The following TPMT variants were observed in gnomAD, a reference collection of about 807,000 sequenced individuals.
The protein encoded by TPMT is S-adenosyl-L-methionine:thiopurine S-methyltransferase.
Under a neutral mutation model 34.2 loss-of-function variants are expected in TPMT, and 18 were observed. The observed-to-expected ratio is 0.53, with a 90% CI of 0.36 to 0.78. The LOEUF is 0.78. TPMT is among the 30% of genes least tolerant of loss of function. TPMT has a pLI of 0.00. For synonymous variants in TPMT, 69 were observed against 92.4 expected, an observed-to-expected ratio of 0.75 and a Z score of 1.45; for missense variants, 265 against 288.1, an observed-to-expected ratio of 0.92 and a Z score of 0.58.
Position 18,145,518 on chromosome 6 carries a change from A to G in TPMT, c.234-1790T>C, listed in dbSNP as rs371947159. Among the ~76,000 whole-genome samples, 13 of 152,312 alleles carry G rather than the reference A, an allele frequency of 8.5e-5. No homozygotes were observed. In the East Asian group the frequency reaches 2.3e-3, roughly 27 times the overall value. The stretch of plus-strand genomic sequence containing the variant: ...GCTCAAATTTTTCCCTAATATATCA[A>G]TTGAGTTAGAATTCAGTTTTGAAAC... On this transcript the variant is annotated intron_variant, in intron 3 of 8. Coordinates refer to ENST00000309983, the MANE Select transcript of TPMT (RefSeq NM_000367.5). The surrounding 1 kb of genome is among the most constrained non-coding windows in gnomAD (Gnocchi z 5.6).
At position 18,138,075 on chromosome 6, in the gene TPMT, C is replaced by T. The variant is rs9477635; in HGVS notation, c.494+888G>A. 0.12 allele frequency among the ~76,000 whole-genome samples: 17,912 copies of T among 152,128 alleles called. 2,839 individuals carry two copies. The highest frequency in any genetic ancestry group is 0.36 in the African/African-American group (15,081 of 41,448). On this transcript the variant is annotated intron_variant, in intron 6 of 8. Coordinates refer to ENST00000309983, the MANE Select transcript of TPMT (RefSeq NM_000367.5). This position sits in a 1 kb window ranked among gnomAD's most constrained non-coding sequence, Gnocchi z 4.1. ...GATTACAGGCGTGAGCCACCACACC[C>T]GGCCACAAGTATGGACTTCAAAGCC...
chr6:18,137,595 T>C (rs1784065776), intron 6 of TPMT, among the ~76,000 whole-genome samples: 1 of 152,238 alleles, frequency 6.6e-6, no homozygotes, highest in Non-Finnish European at 1.5e-5. Flanking sequence ...ATTTTAATTT[T>C]ATTTTCTAAC....
Position 18,146,728 on chromosome 6 carries a change from T to C in TPMT, c.233+1095A>G, listed in dbSNP as rs532292081. 1.3e-5 allele frequency among the ~76,000 whole-genome samples: 2 copies of C among 152,278 alleles called. No homozygotes were observed. The highest frequency in any genetic ancestry group is 3.9e-4 in the East Asian group (2 of 5,182). ...GAATTGGTTAAAATATATGTCATAA[T>C]ATAGTTTAAATATTCTCAATTTCAT... is the stretch of plus-strand genomic sequence containing the variant. On this transcript the variant is annotated intron_variant, in intron 3 of 8. Coordinates refer to ENST00000309983, the MANE Select transcript of TPMT (RefSeq NM_000367.5). This position sits in a 1 kb window ranked among gnomAD's most constrained non-coding sequence, Gnocchi z 6.2.
chr6:18,144,104 G>A (rs1041389068), intron 3 of TPMT, among the ~76,000 whole-genome samples: 1 of 152,220 alleles, frequency 6.6e-6, no homozygotes, highest in Non-Finnish European at 1.5e-5. Flanking sequence ...TTTCTGCATT[G>A]ATGAAAATGT....
rs1784388060 is a variant in TPMT at position 18,153,276 on chromosome 6, C to A, written c.-45+1757G>T. Among the ~76,000 whole-genome samples, 4 of 152,014 alleles carry A rather than the reference C, an allele frequency of 2.6e-5. No individual in the cohort carries two copies. The highest frequency in any genetic ancestry group is 2.6e-4 in the Admixed American group (4 of 15,272). ...AGAGTTCTCCTTTCTAAATTATGAA[C>A]TTCTCATTCTTCAGCTGACAGACCA... On this transcript the variant is annotated intron_variant, in intron 1 of 8. Transcript: ENST00000309983. This position sits in a 1 kb window ranked among gnomAD's most constrained non-coding sequence, Gnocchi z 4.2.
intron 1 of TPMT, among the ~76,000 whole-genome samples, chr6:18,152,386 G>T (rs1582050680): frequency 1.3e-5 from 2 of 152,090 alleles, no homozygotes; most frequent in African/African-American, 4.8e-5. Flanking sequence ...AGCAAAAACA[G>T]ATTAAAGTAG....
At chr6:18,141,792 G>C (rs1346355853) in intron 4 of TPMT, among the ~76,000 whole-genome samples, 1 of 152,182 alleles carries the variant, frequency 6.6e-6, no homozygotes, top group Non-Finnish European at 1.5e-5. Flanking sequence ...GGATACGGAA[G>C]GTTTTCCTCT....
In TPMT at chr6:18,149,054, G is replaced by T. The variant is rs1163704950; in HGVS notation, c.74C>A (p.Thr25Asn). ...CCACTTGTCTTGCCATTCTTCCAGA[G>T]TTAGTACTTGGTTTTTCTGTACCTC... is the stretch of plus-strand genomic sequence containing the variant. The part of the protein sequence containing the change: ...DTEVQKNQVL[T>N]LEEWQDKWVN... The change falls in exon 2 of 9, where the codon ACT becomes AAT. Residue 25 changes from threonine to asparagine, a missense_variant. Physicochemically the swap from Thr to Asn is moderately conservative, Grantham distance 65. Transcript: ENST00000309983. The surrounding 1 kb of genome is among the most constrained non-coding windows in gnomAD (Gnocchi z 5.0). 1.2e-6 allele frequency: 2 copies of T among 1,613,976 alleles called. No homozygotes were observed.
intron 6 of TPMT, among the ~76,000 whole-genome samples, chr6:18,137,423 C>T (rs1350619440): frequency 1.3e-5 from 2 of 152,216 alleles, no homozygotes; most frequent in African/African-American, 4.8e-5. Flanking sequence ...GCGTGAGCCA[C>T]TGCGCCCAGC....
Position 18,138,209 on chromosome 6 carries a change from AG to A in TPMT, c.494+753del, listed in dbSNP as rs1478726202. Among the ~76,000 whole-genome samples the A allele has an allele frequency of 4.6e-5, 7 of 151,896 alleles. No homozygotes were observed. The highest frequency in any genetic ancestry group is 1.7e-4 in the African/African-American group (7 of 41,338). ...TTCCTCATCTGTATAATGGAATAGT[AG>A]CTTATACCTTACAGAATTAAATGTT... is the stretch of plus-strand genomic sequence containing the variant. On this transcript the variant is annotated intron_variant, in intron 6 of 8. Transcript: ENST00000309983. The surrounding 1 kb of genome is among the most constrained non-coding windows in gnomAD (Gnocchi z 4.1).
rs1161494324 is a variant in TPMT at position 18,139,639 on chromosome 6, A to C, written c.419+26T>G. ...GCCTGGCAAGCATTCAAATTTTTTA[A>C]AGTGCAGATGTAGTATTCAACCTAC... On this transcript the variant is annotated intron_variant, in intron 5 of 8. Transcript: ENST00000309983. The surrounding 1 kb of genome is among the most constrained non-coding windows in gnomAD (Gnocchi z 4.2). The C allele has an allele frequency of 1.2e-6, 2 of 1,601,274 alleles. No individual in the cohort carries two copies. Among genetic ancestry groups the C allele is most frequent in the African/African-American group, 2.7e-5 (2 of 74,638 alleles).
At chr6:18,152,587 CTTTCTT>C (rs1784372589) in intron 1 of TPMT, among the ~76,000 whole-genome samples, 1 of 148,992 alleles carries the variant, frequency 6.7e-6, no homozygotes, top group Non-Finnish European at 1.5e-5. Flanking sequence ...CCTTTTCTTT[CTTTCTT>C]TTTTTTTTTT....
At chr6:18,134,519 T>C (rs1049563958) in intron 6 of TPMT, among the ~76,000 whole-genome samples, 38 of 152,096 alleles carry the variant, frequency 2.5e-4, no homozygotes, top group African/African-American at 8.2e-4. Flanking sequence ...ATGAGTGCAA[T>C]GGAACTGTCC....
chr6:18,134,094 G>A (rs568985660), intron 6 of TPMT, among the ~76,000 whole-genome samples: 1 of 152,326 alleles, frequency 6.6e-6, no homozygotes, highest in South Asian at 2.1e-4. Context: ...CTGGGAATTG[G>A]TCCAGATGGG....
rs1018230021 is a variant in TPMT at position 18,150,538 on chromosome 6, T to C, written c.-44-1367A>G. 1.1e-4 allele frequency among the ~76,000 whole-genome samples: 16 copies of C among 152,212 alleles called. No homozygotes were observed. The highest frequency in any genetic ancestry group is 8.5e-4 in the Admixed American group (13 of 15,272). Reference sequence around the variant, plus strand: ...TTCTGGGATCGCTCTTCATCATCATTCTGGAGATTTCCTTCTTGTCTGAAT... The same window carrying C: ...TTCTGGGATCGCTCTTCATCATCATCCTGGAGATTTCCTTCTTGTCTGAAT... On this transcript the variant is annotated intron_variant, in intron 1 of 8. Coordinates refer to ENST00000309983, the MANE Select transcript of TPMT (RefSeq NM_000367.5). This position sits in a 1 kb window ranked among gnomAD's most constrained non-coding sequence, Gnocchi z 5.3.
chr6:18,151,875 G>T (rs1017892457), intron 1 of TPMT, among the ~76,000 whole-genome samples: 4 of 152,138 alleles, frequency 2.6e-5, no homozygotes, highest in Non-Finnish European at 4.4e-5. Flanking sequence ...AAGAAGAGAA[G>T]TGGGCGAGGG....
Position 18,154,286 on chromosome 6 carries a change from A to G in TPMT, c.-45+747T>C, listed in dbSNP as rs939564338. Among the ~76,000 whole-genome samples, 6 of 151,518 alleles carry G rather than the reference A, an allele frequency of 4.0e-5. No homozygotes were observed. Among genetic ancestry groups the G allele is most frequent in the African/African-American group, 1.5e-4 (6 of 41,028 alleles). On this transcript the variant is annotated intron_variant, in intron 1 of 8. Transcript: ENST00000309983. The surrounding 1 kb of genome is among the most constrained non-coding windows in gnomAD (Gnocchi z 4.2). ...ATTAAGGAAGGGAAATTTCACAAAA[A>G]TTTCTGCCCACAAACAAAGTCCTCA...
chr6:18,142,875 T>C (rs944266339), intron 4 of TPMT, among the ~76,000 whole-genome samples: 2 of 152,006 alleles, frequency 1.3e-5, no homozygotes, highest in Non-Finnish European at 2.9e-5. Context: ...CTATCGTAAA[T>C]GTTGCTTTAA....
chr6:18,154,091 A>G lies in TPMT; in HGVS notation c.-45+942T>C, dbSNP rs151093708. On this transcript the variant is annotated intron_variant, in intron 1 of 8. Transcript: ENST00000309983. This position sits in a 1 kb window ranked among gnomAD's most constrained non-coding sequence, Gnocchi z 4.2. ...CACCACCATGCCTGGCTAATTTTTA[A>G]ATATTTTGTAGAGACAGGGTCTTGC... Among the ~76,000 whole-genome samples, 919 of 152,090 alleles carry G rather than the reference A, an allele frequency of 6.0e-3. 7 individuals carry two copies. The highest frequency in any genetic ancestry group is 0.021 in the African/African-American group (867 of 41,476).
Sources: allele counts gnomAD v4.1 joint callset (sites outside exome capture counted in the v4.1 genomes callset), GRCh38; gene constraint gnomAD v4.1.1; non-coding constraint Gnocchi (gnomAD v3.1); transcripts MANE v1.5; gene names NCBI Gene and HGNC (gene_info 2026-07-23, HGNC 2026-07-21).